The following ZNF407 variants were observed in gnomAD, a reference collection of about 807,000 sequenced individuals.
ZNF407 encodes zinc finger protein 407.
Under a neutral mutation model 131.2 loss-of-function variants are expected in ZNF407, and 17 were observed. The ratio of observed to expected loss-of-function variants is 0.13; its 90% CI spans 0.09 to 0.19. The LOEUF (loss-of-function observed/expected upper bound fraction) is 0.19, where lower values mean the gene tolerates loss of function less well. ZNF407 is among the 10% of genes least tolerant of loss of function. The probability of loss-of-function intolerance (pLI) is 1.00; values close to 1 mark genes in which losing one functional copy is unlikely to be tolerated. For synonymous variants in ZNF407, 1,156 were observed against 1,062.0 expected (o/e 1.09, Z -1.72); for missense variants, 2,681 against 2,830.6 (o/e 0.95, Z 1.20).
intron 8 of ZNF407, among the ~76,000 whole-genome samples, chr18:74,994,328 G>A (rs994436195): frequency 3.9e-5 from 6 of 152,162 alleles, no homozygotes; most frequent in Admixed American, 2.6e-4. Flanking sequence ...GTAGTTCTTT[G>A]TGCCATCCTT....
rs959135749 is a variant in ZNF407, at chr18:74,631,918, A to G, written c.899A>G (p.Asn300Ser). 9 of 1,613,856 alleles carry G rather than the reference A, an allele frequency of 5.6e-6. No individual in the cohort carries two copies. The highest frequency in any genetic ancestry group is 4.0e-5 in the African/African-American group (3 of 74,914). The change falls in exon 2 of 9, where the codon AAT (asparagine) becomes AGT (serine). Residue 300 changes from asparagine (N) to serine (S), a missense_variant. This residue lies in a region of ZNF407 where 1,789 missense variants were observed against 1,748.7 expected (regional missense o/e 1.02). Transcript: ENST00000299687. ...PKKSRTMATK[N>S]VHSKPRTSKS... ...AAATCACGTACAATGGCAACAAAAA[A>G]TGTTCACTCAAAACCAAGAACTTCT...
intron 8 of ZNF407, among the ~76,000 whole-genome samples, chr18:74,963,802 T>C (rs575677095): frequency 6.6e-6 from 1 of 152,380 alleles, no homozygotes; most frequent in African/African-American, 2.4e-5. Context: ...TGCAGATTTT[T>C]AACTAGAGAA....
At chr18:75,006,703 G>T (rs1972914735) in intron 8 of ZNF407, among the ~76,000 whole-genome samples, 1 of 151,982 alleles carries the variant, frequency 6.6e-6, no homozygotes, top group African/African-American at 2.4e-5. Context: ...GTTTCATCTG[G>T]GCTTCCATAG....
intron 8 of ZNF407, among the ~76,000 whole-genome samples, chr18:74,983,110 C>T (rs1416618271): frequency 6.6e-6 from 1 of 152,188 alleles, no homozygotes; most frequent in Non-Finnish European, 1.5e-5. Context: ...GCAGAAAACA[C>T]TTTCCTATTG....
At chr18:74,834,635 G>A (rs886885991) in intron 4 of ZNF407, among the ~76,000 whole-genome samples, 6 of 152,202 alleles carry the variant, frequency 3.9e-5, no homozygotes, top group African/African-American at 1.2e-4. Context: ...ACTTCTGGAT[G>A]AAGCCAGTCA....
chr18:74,724,703 A>G (rs1157406042), intron 3 of ZNF407, among the ~76,000 whole-genome samples: 1 of 152,198 alleles, frequency 6.6e-6, no homozygotes, highest in Non-Finnish European at 1.5e-5. Context: ...GTAACATTCC[A>G]TCTGTATGGA....
intron 1 of ZNF407, among the ~76,000 whole-genome samples, chr18:74,602,156 A>G (rs773275894): frequency 1.1e-4 from 17 of 152,188 alleles, no homozygotes; most frequent in Non-Finnish European, 1.9e-4. Context: ...TGCAATTCCA[A>G]CTACCTGGAA....
rs184167624 is a variant in ZNF407, at chr18:74,718,913, T to C, written c.4803-62515T>C. ...TCCATTTTATTTTTAATAATATGCTTTTCTTAAAATCTATTTTGTCTGTCA... is the reference window on the plus strand; with the variant it reads ...TCCATTTTATTTTTAATAATATGCTCTTCTTAAAATCTATTTTGTCTGTCA... On this transcript the variant is annotated intron_variant, in intron 3 of 8. Transcript: ENST00000299687. Among the ~76,000 whole-genome samples the C allele has an allele frequency of 2.3e-3, 356 of 152,308 alleles. 4 individuals are homozygous for C. The highest frequency in any genetic ancestry group is 7.5e-4 in the Non-Finnish European group (51 of 68,022).
At chr18:74,628,302 T>G (rs1983894229) in intron 1 of ZNF407, among the ~76,000 whole-genome samples, 1 of 152,176 alleles carries the variant, frequency 6.6e-6, no homozygotes, top group Non-Finnish European at 1.5e-5. Context: ...GATTTTAGTA[T>G]TATATTCATG....
intron 3 of ZNF407, among the ~76,000 whole-genome samples, chr18:74,739,033 G>A (rs1344499365): frequency 1.3e-5 from 2 of 151,884 alleles, no homozygotes; most frequent in African/African-American, 2.4e-5. Flanking sequence ...GGAGCTGCTT[G>A]ATTAGCTTTT....
At chr18:74,977,673 G>A (rs1261166903) in intron 8 of ZNF407, among the ~76,000 whole-genome samples, 1 of 152,202 alleles carries the variant, frequency 6.6e-6, no homozygotes, top group Non-Finnish European at 1.5e-5. Flanking sequence ...AGCAGTGCCT[G>A]TTGATCGGCC....
Position 74,992,991 on chromosome 18 carries a change from G to A in ZNF407, c.5429-70159G>A, listed in dbSNP as rs568137537. 5.3e-5 allele frequency among the ~76,000 whole-genome samples: 8 copies of A among 152,280 alleles called. No homozygotes were observed. The South Asian group carries it at 6.2e-4, about 12-fold the overall frequency. On this transcript the variant is annotated intron_variant, in intron 8 of 8. Transcript: ENST00000299687. ...CTTAAGAATGCCAAACATTAGTGAG[G>A]ACATGGAGGAGCATCTGGAATTGTT... is the stretch of plus-strand genomic sequence containing the variant.
chr18:74,740,918 A>G (rs1055027791), intron 3 of ZNF407, among the ~76,000 whole-genome samples: 1 of 152,142 alleles, frequency 6.6e-6, no homozygotes, highest in African/African-American at 2.4e-5. Context: ...AAATGTGATT[A>G]TTGCTAGAAC....
intron 8 of ZNF407, among the ~76,000 whole-genome samples, chr18:74,925,945 C>A (rs866560899): frequency 3.3e-5 from 5 of 152,162 alleles, no homozygotes; most frequent in East Asian, 3.8e-4. Flanking sequence ...TCAGCCTCTC[C>A]TCTCTTTCGT....
rs577387403 is a variant in ZNF407 at position 74,834,857 on chromosome 18, T to C, written c.4878-42340T>C. 1.5e-4 allele frequency among the ~76,000 whole-genome samples: 23 copies of C among 152,336 alleles called. No individual in the cohort carries two copies. The South Asian group carries it at 3.5e-3, about 23-fold the overall frequency. ...GTTAGATGCCTTCCAGAGTTCATAG[T>C]TCACCAGTATGACTTTGGCTTTGAG... On this transcript the variant is annotated intron_variant, in intron 4 of 8. Transcript: ENST00000299687.
rs533458604 is a variant in ZNF407, at chr18:75,024,444, G to A, written c.5429-38706G>A. ...TGTTAAGACAGGGAAATAATGTGGT[G>A]TGAAATTCCAAGATAGGCTTTGCAA... On this transcript the variant is annotated intron_variant, in intron 8 of 8. Coordinates refer to ENST00000299687, the MANE Select transcript of ZNF407 (RefSeq NM_017757.3). Among the ~76,000 whole-genome samples, 42 of 152,300 alleles carry A rather than the reference G, an allele frequency of 2.8e-4. 1 individual carries two copies. The highest frequency in any genetic ancestry group is 7.9e-4 in the African/African-American group (33 of 41,568).
intron 8 of ZNF407, among the ~76,000 whole-genome samples, chr18:74,943,689 G>C (rs7243542): frequency 0.13 from 20,327 of 152,108 alleles, 1,594 homozygotes; most frequent in Admixed American, 0.26. Context: ...ACTATTTCCC[G>C]TGAAGTAACT....
intron 7 of ZNF407, among the ~76,000 whole-genome samples, chr18:74,911,001 ATG>A (rs1338385025): frequency 6.6e-6 from 1 of 152,096 alleles, no homozygotes; most frequent in Non-Finnish European, 1.5e-5. Context: ...GAATTGTAAT[ATG>A]TGTGTGTTAC....
chr18:74,747,804 A>G (rs1247908682), intron 3 of ZNF407, among the ~76,000 whole-genome samples: 1 of 152,144 alleles, frequency 6.6e-6, no homozygotes, highest in Non-Finnish European at 1.5e-5. Flanking sequence ...TATGAATATA[A>G]TTTTCTGAGT....
Sources: gnomAD v4.1 joint callset for allele counts (sites outside exome capture counted in the v4.1 genomes callset) on GRCh38, gnomAD v4.1.1 for gene constraint, gnomAD v4.1.1 regional missense constraint, MANE v1.5 for transcripts, NCBI Gene and HGNC (gene_info 2026-07-23, HGNC 2026-07-21) for gene names.